Variants in KCNN2 observed in about 807,000 individuals in gnomAD.
KCNN2 encodes the protein small conductance calcium-activated potassium channel protein 2.
A neutral mutation model predicts 55.5 loss-of-function variants in KCNN2; 24 were observed. The observed-to-expected ratio is 0.43, with a 90% confidence interval of 0.31 to 0.61. The LOEUF (loss-of-function observed/expected upper bound fraction) is 0.61, where lower values mean the gene tolerates loss of function less well. KCNN2 is among the 20% of genes least tolerant of loss of function. The pLI is 0.08. For synonymous variants in KCNN2, 431 were observed against 336.1 expected, an observed-to-expected ratio of 1.28 and a Z score of -3.09; for missense variants, 754 against 853.6, an observed-to-expected ratio of 0.88 and a Z score of 1.45.
At chr5:114,183,363 T>C (rs1753273761) in intron 1 of KCNN2, among the ~76,000 whole-genome samples, 1 of 152,086 alleles carries the variant, frequency 6.6e-6, no homozygotes, top group Non-Finnish European at 1.5e-5. Context: ...TTATGCTGCC[T>C]TCATAAACTG....
intron 1 of KCNN2, among the ~76,000 whole-genome samples, chr5:114,127,845 C>CTT (rs1751970698): frequency 2.0e-5 from 3 of 152,178 alleles, no homozygotes; most frequent in Non-Finnish European, 4.4e-5. Context: ...ATTCAAAGTT[C>CTT]CACAGATCTT....
rs536002509 is a variant in KCNN2, at chr5:114,308,008, C to CAT, written c.-184-52930_-184-52929dup. 1.1e-4 allele frequency among the ~76,000 whole-genome samples: 16 copies of CAT among 152,232 alleles called. No homozygotes were observed. The East Asian group carries it at 3.1e-3, about 29-fold the overall frequency. On this transcript the variant is annotated intron_variant, in intron 2 of 10. Transcript: ENST00000512097. ...TCCTCCTGATACACACACACATACA[C>CAT]ATATATATGTATATGTGCATATGTC...
intron 1 of KCNN2, among the ~76,000 whole-genome samples, chr5:114,177,263 G>T (rs572500629): frequency 4.3e-4 from 65 of 151,350 alleles, no homozygotes; most frequent in African/African-American, 1.5e-3. Flanking sequence ...TCAGCCTCCT[G>T]AGTAGCTGGG....
At chr5:114,374,451 G>C (rs1325907102) in intron 2 of KCNN2, among the ~76,000 whole-genome samples, 1 of 152,108 alleles carries the variant, frequency 6.6e-6, no homozygotes, top group Non-Finnish European at 1.5e-5. Flanking sequence ...TTTCTGGACT[G>C]GGTTTATTTC....
chr5:114,262,620 T>C (rs961264287), intron 2 of KCNN2, among the ~76,000 whole-genome samples: 3 of 152,236 alleles, frequency 2.0e-5, no homozygotes, highest in African/African-American at 4.8e-5. Flanking sequence ...AACTACTTCA[T>C]AGAGTAATTT....
At chr5:114,375,272 G>A (rs893662190) in intron 2 of KCNN2, among the ~76,000 whole-genome samples, 1 of 152,092 alleles carries the variant, frequency 6.6e-6, no homozygotes, top group African/African-American at 2.4e-5. Context: ...TAATGAGGCT[G>A]AGTATTGAAG....
chr5:114,399,927 TTTG>T (rs1758734439), intron 2 of KCNN2, among the ~76,000 whole-genome samples: 1 of 135,182 alleles, frequency 7.4e-6, no homozygotes, highest in African/African-American at 3.2e-5. Flanking sequence ...GGTTTTTTTT[TTTG>T]TTTTTTTTTT....
intron 2 of KCNN2, among the ~76,000 whole-genome samples, chr5:114,234,795 C>G (rs1206926489): frequency 2.0e-5 from 3 of 151,952 alleles, no homozygotes; most frequent in Admixed American, 1.3e-4. Flanking sequence ...GAGTTGTGGG[C>G]CTCCCTGGAA....
rs13161128 is a variant in KCNN2, at chr5:114,138,349, G to A, written c.-271+81849G>A. Among the ~76,000 whole-genome samples, 339 of 152,196 alleles carry A rather than the reference G, an allele frequency of 2.2e-3. 2 individuals are homozygous for A. Among genetic ancestry groups the A allele is most frequent in the Non-Finnish European group, 4.1e-3 (281 of 67,988 alleles). On this transcript the variant is annotated intron_variant, in intron 1 of 10. Coordinates refer to the KCNN2 transcript ENST00000512097. ...GGCACATGTCTATTTTATTCATATC[G>A]TATCTCCAGCATTTAGCCCTGTGCT...
chr5:114,273,365 C>T (rs1180112051), intron 2 of KCNN2, among the ~76,000 whole-genome samples: 1 of 151,744 alleles, frequency 6.6e-6, no homozygotes, highest in Non-Finnish European at 1.5e-5. Flanking sequence ...ATTGTAGAAT[C>T]TTTGGGTATA....
chr5:114,445,327 A>AG (rs976687269), intron 3 of KCNN2, among the ~76,000 whole-genome samples: 1 of 152,236 alleles, frequency 6.6e-6, no homozygotes, highest in Admixed American at 6.5e-5. Context: ...CTAAGAAAAA[A>AG]GGGGTTATCA....
intron 2 of KCNN2, among the ~76,000 whole-genome samples, chr5:114,261,584 C>T (rs776451094): frequency 2.6e-5 from 4 of 152,088 alleles, no homozygotes; most frequent in Non-Finnish European, 4.4e-5. Context: ...GAAACTTCCA[C>T]CTAAGAAATG....
intron 1 of KCNN2, among the ~76,000 whole-genome samples, chr5:114,170,911 C>G (rs1379990230): frequency 6.6e-6 from 1 of 152,024 alleles, no homozygotes; most frequent in Non-Finnish European, 1.5e-5. Flanking sequence ...TCTCCATTAT[C>G]TCAAGCTATG....
chr5:114,298,340 A>G (rs985617355), intron 2 of KCNN2, among the ~76,000 whole-genome samples: 1 of 152,192 alleles, frequency 6.6e-6, no homozygotes, highest in Non-Finnish European at 1.5e-5. Context: ...GATGCCACAG[A>G]TAGTGTGAAG....
At position 114,268,427 on chromosome 5, in the gene KCNN2, C is replaced by T. The variant is rs141115752; in HGVS notation, c.-185+46862C>T. 1.8e-3 allele frequency among the ~76,000 whole-genome samples: 276 copies of T among 152,322 alleles called. 2 individuals are homozygous for T. Among genetic ancestry groups the T allele is most frequent in the Non-Finnish European group, 2.8e-3 (191 of 68,018 alleles). The stretch of plus-strand genomic sequence containing the variant: ...GCAAAGCTGCAAAGCTAATTATAAT[C>T]GTGTCTCTCATGTTCTGCCTCACTA... On this transcript the variant is annotated intron_variant, in intron 2 of 10. Transcript: ENST00000512097.
chr5:114,143,430 G>A (rs73248421), intron 1 of KCNN2, among the ~76,000 whole-genome samples: 6,338 of 152,194 alleles, frequency 0.042, 436 homozygotes, highest in African/African-American at 0.15. Context: ...TAGACAACCG[G>A]TTAGACCAAA....
At chr5:114,388,303 AT>A (rs1198982660) in intron 2 of KCNN2, among the ~76,000 whole-genome samples, 1 of 151,988 alleles carries the variant, frequency 6.6e-6, no homozygotes, top group East Asian at 1.9e-4. Context: ...TTTCTCTGGC[AT>A]TTTAGATGTT....
At chr5:114,221,155 CCCATGG>C (rs1754129995) in intron 1 of KCNN2, among the ~76,000 whole-genome samples, 1 of 152,182 alleles carries the variant, frequency 6.6e-6, no homozygotes, top group East Asian at 1.9e-4. Flanking sequence ...GAGTGAGTGT[CCCATGG>C]CCTGGTTTTC....
intron 1 of KCNN2, among the ~76,000 whole-genome samples, chr5:114,159,001 C>T (rs1380358288): frequency 6.6e-6 from 1 of 152,132 alleles, no homozygotes; most frequent in Non-Finnish European, 1.5e-5. Flanking sequence ...TTATTTCTTT[C>T]TCCTGCCTGA....
Sources: allele counts gnomAD v4.1 joint callset (sites outside exome capture counted in the v4.1 genomes callset), GRCh38; gene constraint gnomAD v4.1.1; transcripts MANE v1.5; gene names NCBI Gene and HGNC (gene_info 2026-07-23, HGNC 2026-07-21).